ITSN1: variants seen among roughly 807,000 people sequenced by gnomAD.
The protein encoded by ITSN1 is intersectin-1.
A neutral mutation model predicts 239.8 loss-of-function variants in ITSN1; 58 were observed. The observed-to-expected ratio is 0.24, with a 90% CI of 0.20 to 0.30. The LOEUF is 0.30. Among genes scored for constraint, ITSN1 ranks in the 10% least tolerant of loss-of-function variants. The probability of loss-of-function intolerance (pLI) is 1.00; values close to 1 mark genes in which losing one functional copy is unlikely to be tolerated. For synonymous variants in ITSN1, 780 were observed against 770.8 expected (o/e 1.01, Z -0.20); for missense variants, 1,558 against 2,103.3 (o/e 0.74, Z 5.07).
intron 1 of ITSN1, among the ~76,000 whole-genome samples, chr21:33,683,535 C>G (rs2091082638): frequency 6.6e-6 from 1 of 152,136 alleles, no homozygotes; most frequent in Non-Finnish European, 1.5e-5. Context: ...AGTCTTGAGT[C>G]ATCTGGCTCT....
At chr21:33,719,917 T>C (rs1251271776) in intron 2 of ITSN1, among the ~76,000 whole-genome samples, 3 of 152,218 alleles carry the variant, frequency 2.0e-5, no homozygotes, top group African/African-American at 4.8e-5. Flanking sequence ...AAAATACTTA[T>C]TAAAAGTTCA....
At chr21:33,703,174 G>A (rs2092104628) in intron 1 of ITSN1, among the ~76,000 whole-genome samples, 1 of 149,368 alleles carries the variant, frequency 6.7e-6, no homozygotes. Context: ...TATATATAAA[G>A]AATATATATG....
chr21:33,694,445 T>G (rs1242104704), intron 1 of ITSN1, among the ~76,000 whole-genome samples: 1 of 152,350 alleles, frequency 6.6e-6, no homozygotes, highest in East Asian at 1.9e-4. Flanking sequence ...ATCTTTGTAT[T>G]TTGGATTATT....
chr21:33,688,788 T>C (rs2091369491), intron 1 of ITSN1, among the ~76,000 whole-genome samples: 1 of 151,718 alleles, frequency 6.6e-6, no homozygotes, highest in African/African-American at 2.4e-5. Context: ...TCTCTAAGAA[T>C]AGTTCACTAG....
At chr21:33,682,414 C>T (rs1454967826) in intron 1 of ITSN1, among the ~76,000 whole-genome samples, 1 of 151,890 alleles carries the variant, frequency 6.6e-6, no homozygotes, top group Non-Finnish European at 1.5e-5. Flanking sequence ...GGGGTTTCTC[C>T]ATGTTGGTCA....
Position 33,823,769 on chromosome 21 carries a change from G to A in ITSN1, c.3183+116G>A, listed in dbSNP as rs550292763. Reference sequence around the variant, plus strand: ...TTTTGCTAAGTTCTGGAATGTGACAGTAAATCCAGTGTGACCTGTCATTGT... The same window carrying A: ...TTTTGCTAAGTTCTGGAATGTGACAATAAATCCAGTGTGACCTGTCATTGT... On this transcript the variant is annotated intron_variant, in intron 25 of 39. Transcript: ENST00000381318. 1.1e-5 allele frequency: 10 copies of A among 927,238 alleles called. No individual in the cohort carries two copies. In the East Asian group the frequency reaches 2.5e-4, roughly 23 times the overall value. The allele number at this position is 927,238 out of a possible 1,614,324, so 57.4% of individuals were successfully genotyped here. A position where few individuals can be genotyped will look rare whatever the true frequency, so the allele number is the denominator to read the frequency against.
At chr21:33,795,950 C>CTTTT (rs5843623) in intron 17 of ITSN1, among the ~76,000 whole-genome samples, 56 of 139,876 alleles carry the variant, frequency 4.0e-4, no homozygotes, top group South Asian at 1.8e-3. Flanking sequence ...TAAAGTAATT[C>CTTTT]TTTTTTTTTT....
At chr21:33,859,016 C>T (rs1034492897) in intron 31 of ITSN1, among the ~76,000 whole-genome samples, 19 of 152,284 alleles carry the variant, frequency 1.2e-4, no homozygotes, top group Admixed American at 5.2e-4. Flanking sequence ...TTCCTGGGCA[C>T]CCCAGAGCCT....
chr21:33,778,596 T>TTG (rs2069854754), intron 14 of ITSN1, among the ~76,000 whole-genome samples: 1 of 130,772 alleles, frequency 7.6e-6, no homozygotes, highest in Non-Finnish European at 1.5e-5. Context: ...TTTTTTTTTT[T>TTG]GAGACGGAGT....
At chr21:33,750,402 C>A (rs989848341) in intron 6 of ITSN1, 80 bp downstream of exon 6, 4 of 1,260,426 alleles carry the variant, frequency 3.2e-6, no homozygotes, top group South Asian at 1.3e-5. Flanking sequence ...TTTCTCTTCA[C>A]GTTCTGATTA....
chr21:33,663,776 G>A (rs928760085), intron 1 of ITSN1, among the ~76,000 whole-genome samples: 1 of 152,130 alleles, frequency 6.6e-6, no homozygotes, highest in African/African-American at 2.4e-5. Context: ...CTAATTTTTT[G>A]TATTTTTAGT....
At chr21:33,697,412 A>G (rs542835997) in intron 1 of ITSN1, among the ~76,000 whole-genome samples, 50 of 151,894 alleles carry the variant, frequency 3.3e-4, no homozygotes, top group African/African-American at 1.1e-3. Flanking sequence ...GACTGTATAT[A>G]TCTACATTAC....
At chr21:33,878,832 C>T (rs1297135011) in intron 34 of ITSN1, among the ~76,000 whole-genome samples, 2 of 152,166 alleles carry the variant, frequency 1.3e-5, no homozygotes, top group Non-Finnish European at 2.9e-5. Context: ...CAGTACTAAA[C>T]CCTGGGACAT....
intron 31 of ITSN1, among the ~76,000 whole-genome samples, chr21:33,859,909 G>A (rs991083701): frequency 2.6e-5 from 4 of 152,194 alleles, no homozygotes; most frequent in South Asian, 2.1e-4. Context: ...GAAGCCTTTC[G>A]AACTTAGGTC....
intron 1 of ITSN1, among the ~76,000 whole-genome samples, chr21:33,701,391 C>T (rs1433621733): frequency 6.6e-6 from 1 of 152,084 alleles, no homozygotes; most frequent in Non-Finnish European, 1.5e-5. Context: ...TCCAAAAGTG[C>T]TGGGATTACA....
At position 33,821,959 on chromosome 21, in the gene ITSN1, T is replaced by G. The variant is rs373559083; in HGVS notation, c.3017-1528T>G. On this transcript the variant is annotated intron_variant, in intron 24 of 39. Coordinates refer to ENST00000381318, the MANE Select transcript of ITSN1 (RefSeq NM_003024.3). ...GTTAATGAAGAAAGAATGACCCTAT[T>G]AAAGCCACCAAACTTTGATTTCCTT... is the stretch of plus-strand genomic sequence containing the variant. 7.9e-5 allele frequency among the ~76,000 whole-genome samples: 12 copies of G among 152,318 alleles called. No homozygotes were observed. In the South Asian group the frequency reaches 2.5e-3, roughly 32 times the overall value.
Position 33,885,089 on chromosome 21 carries a change from G to A in ITSN1, c.4725G>A (p.Glu1575=). The stretch of plus-strand genomic sequence containing the variant: ...AAGCTGCTTCTGAACTCTACATAGA[G>A]ACTGAGAAAAAGAAGCGCGAGAAAG... ...KIKAASELYI[E]TEKKKREKAY... The change falls in exon 37 of 40, where the codon GAG becomes GAA. Residue 1575 remains glutamate, a synonymous_variant. Transcript: ENST00000381318. 6.2e-7 allele frequency: 1 copy of A among 1,614,112 alleles called. No homozygotes were observed. Among genetic ancestry groups the A allele is most frequent in the Non-Finnish European group, 8.5e-7 (1 of 1,180,010 alleles).
At chr21:33,876,347 CCTT>C (rs1983913609) in intron 34 of ITSN1, among the ~76,000 whole-genome samples, 1 of 150,116 alleles carries the variant, frequency 6.7e-6, no homozygotes, top group African/African-American at 2.5e-5. Flanking sequence ...CTTCCTTTCT[CCTT>C]CTCTTCTCTT....
intron 1 of ITSN1, among the ~76,000 whole-genome samples, chr21:33,705,423 T>A (rs2092212886): frequency 6.6e-6 from 1 of 152,198 alleles, no homozygotes; most frequent in Non-Finnish European, 1.5e-5. Context: ...AGTCTCGCTC[T>A]ATCACCCAGG....
Sources: gnomAD v4.1 joint callset for allele counts (sites outside exome capture counted in the v4.1 genomes callset) on GRCh38, gnomAD v4.1.1 for gene constraint, MANE v1.5 for transcripts, NCBI Gene and HGNC (gene_info 2026-07-23, HGNC 2026-07-21) for gene names.